Variants in PRDM11 observed in about 807,000 individuals in gnomAD.
PRDM11 encodes the protein PR domain-containing protein 11.
PRDM11 carries 20 observed loss-of-function variants against 97.8 expected under a neutral mutation model. The ratio of observed to expected loss-of-function variants is 0.20; its 90% CI spans 0.14 to 0.30. PRDM11 has a LOEUF of 0.30. Among genes scored for constraint, PRDM11 ranks in the 10% least tolerant of loss-of-function variants. The pLI is 1.00. For synonymous variants in PRDM11, 599 were observed against 637.7 expected (o/e 0.94, Z 0.91); for missense variants, 1,139 against 1,555.2 (o/e 0.73, Z 4.50).
At chr11:45,151,155 C>T (rs1431813700) in intron 1 of PRDM11, among the ~76,000 whole-genome samples, 2 of 152,100 alleles carry the variant, frequency 1.3e-5, no homozygotes, top group South Asian at 2.1e-4. Flanking sequence ...GTTCTTGGCT[C>T]AGAGGTGACT....
intron 1 of PRDM11, among the ~76,000 whole-genome samples, chr11:45,164,419 C>G (rs756772741): frequency 1.3e-5 from 2 of 152,262 alleles, no homozygotes; most frequent in Non-Finnish European, 2.9e-5. Flanking sequence ...TACTCGGCAG[C>G]CTTTGGGCTA....
rs373386707 is a variant in PRDM11 at position 45,131,279 on chromosome 11, C to T, written c.96+35378C>T. On this transcript the variant is annotated intron_variant, in intron 1 of 6. Transcript: ENST00000530656. ...AGGAACAAATGATTCCCCCATGACTCGAAATGCTCTGTTTCTTGATTTGGG... is the reference window on the plus strand; with the variant it reads ...AGGAACAAATGATTCCCCCATGACTTGAAATGCTCTGTTTCTTGATTTGGG... 3.1e-4 allele frequency among the ~76,000 whole-genome samples: 47 copies of T among 152,218 alleles called. No homozygotes were observed. The East Asian group carries it at 5.0e-3, about 16-fold the overall frequency.
At chr11:45,208,462 C>T (rs1298075343) in intron 5 of PRDM11, among the ~76,000 whole-genome samples, 1 of 152,176 alleles carries the variant, frequency 6.6e-6, no homozygotes, top group Non-Finnish European at 1.5e-5. Context: ...TCAATAAGAT[C>T]CTTTACTGCT....
intron 1 of PRDM11, among the ~76,000 whole-genome samples, chr11:45,099,601 C>T (rs1448799056): frequency 6.6e-6 from 1 of 151,392 alleles, no homozygotes; most frequent in Non-Finnish European, 1.5e-5. Context: ...ATAGCAGGTG[C>T]GTATATGTAT....
rs2135856065 is a variant in PRDM11, at chr11:45,225,940, G to A, written c.1370-55G>A. 10 of 1,439,430 alleles carry A rather than the reference G, an allele frequency of 6.9e-6. No homozygotes were observed. The South Asian group carries it at 1.3e-4, about 19-fold the overall frequency. 89.2% of individuals were successfully genotyped at this position (1,439,430 alleles called of 1,614,324 possible). On this transcript the variant is annotated intron_variant, in intron 7 of 7. Transcript: ENST00000683152. ...CCAGGAGTGTTTCCTGTGGATTTTG[G>A]AAAAGCCTGTTTTCTCCCCCAGGTA...
intron 1 of PRDM11, among the ~76,000 whole-genome samples, chr11:45,117,945 A>AAT: frequency 6.6e-6 from 1 of 152,216 alleles, no homozygotes; most frequent in East Asian, 1.9e-4. Context: ...TAATGTTGAC[A>AAT]ATATATATAC....
intron 1 of PRDM11, among the ~76,000 whole-genome samples, chr11:45,127,751 C>T (rs550851135): frequency 1.2e-4 from 19 of 152,226 alleles, no homozygotes; most frequent in Non-Finnish European, 2.1e-4. Context: ...TGTGAGGTGT[C>T]AGTCTGCCCC....
chr11:45,172,334 G>T lies in PRDM11; in HGVS notation c.-6-9427G>T, dbSNP rs986542341. Among the ~76,000 whole-genome samples the T allele has an allele frequency of 5.1e-4, 77 of 152,128 alleles. 1 individual carries two copies. Among genetic ancestry groups the T allele is most frequent in the African/African-American group, 1.8e-3 (74 of 41,418 alleles). On this transcript the variant is annotated intron_variant, in intron 1 of 7. Coordinates refer to ENST00000683152, the MANE Select transcript of PRDM11 (RefSeq NM_001384648.1). Reference sequence around the variant, plus strand: ...AGCTTCATCTCCAGCCCCTCTTCTTGTTGCCAGAGGCCAGTGGTTGGGATT... The same window carrying T: ...AGCTTCATCTCCAGCCCCTCTTCTTTTTGCCAGAGGCCAGTGGTTGGGATT...
At chr11:45,163,150 G>GTAGC (rs1193130631) in intron 1 of PRDM11, among the ~76,000 whole-genome samples, 5 of 152,176 alleles carry the variant, frequency 3.3e-5, no homozygotes, top group African/African-American at 1.2e-4. Context: ...CTCTCCATGG[G>GTAGC]TAGCTGTGTG....
chr11:45,209,944 G>A (rs1427241170), intron 5 of PRDM11, among the ~76,000 whole-genome samples: 2 of 152,142 alleles, frequency 1.3e-5, no homozygotes, highest in African/African-American at 2.4e-5. Context: ...CGTGGGGCGC[G>A]GAGAAGGGGA....
At chr11:45,215,417 T>C (rs116607474) in intron 5 of PRDM11, among the ~76,000 whole-genome samples, 1,626 of 152,304 alleles carry the variant, frequency 0.011, 21 homozygotes, top group African/African-American at 0.037. Flanking sequence ...AATGGAGGAC[T>C]ACCCAATTTC....
At chr11:45,196,488 C>A (rs568758267) in intron 4 of PRDM11, among the ~76,000 whole-genome samples, 3 of 152,214 alleles carry the variant, frequency 2.0e-5, no homozygotes, top group Admixed American at 2.0e-4. Flanking sequence ...TTTGCTGCCC[C>A]CTAGATAGGC....
At chr11:45,102,402 A>G (rs1479348445) in intron 1 of PRDM11, among the ~76,000 whole-genome samples, 1 of 152,142 alleles carries the variant, frequency 6.6e-6, no homozygotes, top group Non-Finnish European at 1.5e-5. Context: ...TCCCGGGGAG[A>G]TGCTAGCTGG....
chr11:45,099,450 TAAAAAAAAAAAA>T (rs532403075), intron 1 of PRDM11, among the ~76,000 whole-genome samples: 1 of 95,242 alleles, frequency 1.0e-5, no homozygotes, highest in Non-Finnish European at 2.0e-5. Context: ...GACTCCATCT[TAAAAAAAAAAAA>T]AAAAAAAAAA....
At chr11:45,100,792 C>T (rs995645176) in intron 1 of PRDM11, among the ~76,000 whole-genome samples, 1 of 152,214 alleles carries the variant, frequency 6.6e-6, no homozygotes, top group African/African-American at 2.4e-5. Flanking sequence ...TGGGCCAGGC[C>T]TGTGCTATAT....
chr11:45,227,026 C>T lies in PRDM11; in HGVS notation c.2401C>T (p.Leu801Phe), dbSNP rs1854291681. 6.5e-7 allele frequency: 1 copy of T among 1,533,952 alleles called. No individual in the cohort carries two copies. The highest frequency in any genetic ancestry group is 2.4e-5 in the East Asian group (1 of 40,904). ...GAGCTTCTACCGCTACTCACCGCGC[C>T]TCATGTGCGAGCTGCGGTCCACGGC... ...LLSFYRYSPR[L>F]MCELRSTAAT... The change falls in exon 8 of 8, where the codon CTC becomes TTC. Residue 801 changes from leucine to phenylalanine, a missense_variant. This residue lies in a region of PRDM11 where 710 missense variants were observed against 1,044.9 expected (regional missense o/e 0.68). Coordinates refer to ENST00000683152, the MANE Select transcript of PRDM11 (RefSeq NM_001384648.1). This position sits in a 1 kb window ranked among gnomAD's most constrained non-coding sequence, Gnocchi z 8.0.
chr11:45,220,546 G>T (rs1392459716), intron 6 of PRDM11, among the ~76,000 whole-genome samples: 7 of 152,148 alleles, frequency 4.6e-5, no homozygotes, highest in Non-Finnish European at 2.9e-5. Flanking sequence ...TTCATCCAGG[G>T]CCACCTGGCT....
At chr11:45,170,647 G>C (rs1852181098) in intron 1 of PRDM11, among the ~76,000 whole-genome samples, 1 of 152,170 alleles carries the variant, frequency 6.6e-6, no homozygotes, top group South Asian at 2.1e-4. Flanking sequence ...AAGAGCTTTG[G>C]TGTTTGCATT....
At chr11:45,184,625 G>T (rs757873316) in intron 4 of PRDM11, among the ~76,000 whole-genome samples, 4 of 152,226 alleles carry the variant, frequency 2.6e-5, no homozygotes, top group Non-Finnish European at 5.9e-5. Context: ...CCAACAGGTT[G>T]TTAATGGTGT....
Sources: gnomAD v4.1 joint callset for allele counts (sites outside exome capture counted in the v4.1 genomes callset) on GRCh38, gnomAD v4.1.1 for gene constraint, gnomAD v4.1.1 regional missense constraint, Gnocchi (gnomAD v3.1) non-coding constraint, MANE v1.5 for transcripts, NCBI Gene and HGNC (gene_info 2026-07-23, HGNC 2026-07-21) for gene names.